GRM1: variants seen among roughly 807,000 people sequenced by gnomAD.
GRM1 encodes metabotropic glutamate receptor 1.
GRM1 carries 33 observed loss-of-function variants against 90.9 expected under a neutral mutation model. The ratio of observed to expected loss-of-function variants is 0.36; its 90% confidence interval spans 0.28 to 0.49. The LOEUF is 0.49. GRM1 is among the 20% of genes least tolerant of loss of function. The pLI is 0.99. For missense variants in GRM1, 1,190 were observed against 1,534.3 expected, an observed-to-expected ratio of 0.78 and a Z score of 3.75; for synonymous variants, 700 against 613.2, an observed-to-expected ratio of 1.14 and a Z score of -2.09.
At chr6:146,229,212 G>C (rs1436215551) in intron 2 of GRM1, among the ~76,000 whole-genome samples, 1 of 151,536 alleles carries the variant, frequency 6.6e-6, no homozygotes, top group African/African-American at 2.4e-5. Context: ...TTGAACTCCC[G>C]ACCTCAGGTG....
intron 1 of GRM1, among the ~76,000 whole-genome samples, chr6:146,141,393 C>G (rs1435582189): frequency 1.3e-5 from 2 of 149,906 alleles, no homozygotes; most frequent in African/African-American, 4.9e-5. Context: ...GCTTGGTATT[C>G]TATAACTTTC....
intron 1 of GRM1, among the ~76,000 whole-genome samples, chr6:146,149,044 C>G (rs1777218774): frequency 6.6e-6 from 1 of 152,126 alleles, no homozygotes; most frequent in Non-Finnish European, 1.5e-5. Context: ...TAGATTTTGC[C>G]TTCTCTTAAC....
chr6:146,052,310 TA>T (rs1284735444), intron 1 of GRM1, among the ~76,000 whole-genome samples: 6 of 152,080 alleles, frequency 3.9e-5, no homozygotes, highest in Non-Finnish European at 7.4e-5. Context: ...CTTAAGTTTT[TA>T]TTTTTTAATT....
intron 2 of GRM1, among the ~76,000 whole-genome samples, chr6:146,262,737 C>T (rs906017916): frequency 4.0e-5 from 6 of 151,546 alleles, no homozygotes; most frequent in Non-Finnish European, 8.9e-5. Flanking sequence ...ACATATGGAA[C>T]CTTGATGTGG....
chr6:146,366,171 A>G (rs886697697), intron 5 of GRM1, among the ~76,000 whole-genome samples: 5 of 152,234 alleles, frequency 3.3e-5, no homozygotes, highest in Admixed American at 3.3e-4. Context: ...GAATGAGTCA[A>G]TGAATGACTG....
intron 7 of GRM1, among the ~76,000 whole-genome samples, chr6:146,416,954 C>T (rs919707029): frequency 6.6e-6 from 1 of 152,128 alleles, no homozygotes; most frequent in African/African-American, 2.4e-5. Flanking sequence ...GGGAAACCAC[C>T]AAGTGTCAGT....
At chr6:146,270,193 T>C (rs777171481) in intron 2 of GRM1, among the ~76,000 whole-genome samples, 1 of 152,156 alleles carries the variant, frequency 6.6e-6, no homozygotes, top group Non-Finnish European at 1.5e-5. Flanking sequence ...AGAGAGAGTG[T>C]ATAAGCAAAC....
At chr6:146,159,211 G>C in intron 1 of GRM1, 137 bp from the exon 2 acceptor site, 1 of 967,314 alleles carries the variant, frequency 1.0e-6, no homozygotes, top group Non-Finnish European at 1.7e-6. Context: ...CAGATCTTCC[G>C]TCAGTCTCAG....
chr6:146,293,682 A>G (rs1209878405), intron 2 of GRM1, among the ~76,000 whole-genome samples: 2 of 151,918 alleles, frequency 1.3e-5, no homozygotes, highest in Admixed American at 6.6e-5. Context: ...TATATAAGAT[A>G]ACAATTATCT....
At chr6:146,132,535 G>T (rs949571787) in intron 1 of GRM1, among the ~76,000 whole-genome samples, 1 of 152,094 alleles carries the variant, frequency 6.6e-6, no homozygotes. Context: ...GTGGGTGTGG[G>T]TGTATTTGGA....
At position 146,376,479 on chromosome 6, in the gene GRM1, A is replaced by G. The variant is rs565919997; in HGVS notation, c.1603-10411A>G. 9.9e-5 allele frequency among the ~76,000 whole-genome samples: 15 copies of G among 152,096 alleles called. No homozygotes were observed. The South Asian group carries it at 2.9e-3, about 30-fold the overall frequency. ...GGGTCTGGTATTGATTAAATCCCTC[A>G]GCTTTTGTCTGGGAGTCTTTATTTC... On this transcript the variant is annotated intron_variant, in intron 5 of 7. Transcript: ENST00000282753.
chr6:146,093,518 A>C (rs1431095113), intron 1 of GRM1, among the ~76,000 whole-genome samples: 1 of 152,070 alleles, frequency 6.6e-6, no homozygotes, highest in Admixed American at 6.6e-5. Context: ...CCTCCTCTCT[A>C]ACATCCTTTG....
intron 2 of GRM1, among the ~76,000 whole-genome samples, chr6:146,162,456 C>T (rs762353108): frequency 7.9e-5 from 12 of 152,170 alleles, no homozygotes; most frequent in Admixed American, 2.0e-4. Flanking sequence ...CAACTTGTCA[C>T]CACTTCCTCT....
intron 1 of GRM1, among the ~76,000 whole-genome samples, chr6:146,147,945 A>G (rs1777172525): frequency 6.6e-6 from 1 of 152,236 alleles, no homozygotes. Context: ...GGGCTCTCAC[A>G]TCAGATTTCA....
chr6:146,267,507 G>C (rs1781936487), intron 2 of GRM1, among the ~76,000 whole-genome samples: 1 of 152,104 alleles, frequency 6.6e-6, no homozygotes, highest in South Asian at 2.1e-4. Flanking sequence ...AAAATAGGCT[G>C]TCTGCAAGCT....
At chr6:146,119,469 C>G (rs1775896416) in intron 1 of GRM1, among the ~76,000 whole-genome samples, 2 of 152,180 alleles carry the variant, frequency 1.3e-5, no homozygotes. Flanking sequence ...TCAATTTTGG[C>G]TTTTGTTGCC....
chr6:146,209,666 G>A lies in GRM1; in HGVS notation c.950+50069G>A, dbSNP rs1185991940. Among the ~76,000 whole-genome samples the A allele has an allele frequency of 4.6e-5, 7 of 152,144 alleles. No individual in the cohort carries two copies. The South Asian group carries it at 1.4e-3, about 32-fold the overall frequency. ...GGAAGGGTATATTTCATTCATGGAA[G>A]GGAGATGTTTGAGACGTTATCATTG... is the stretch of plus-strand genomic sequence containing the variant. On this transcript the variant is annotated intron_variant, in intron 2 of 7. Transcript: ENST00000282753.
chr6:146,148,715 C>T (rs1399098255), intron 1 of GRM1, among the ~76,000 whole-genome samples: 27 of 151,902 alleles, frequency 1.8e-4, no homozygotes, highest in Admixed American at 1.8e-3. Context: ...AATTTTTTAC[C>T]AAAAAGATGA....
intron 1 of GRM1, among the ~76,000 whole-genome samples, chr6:146,112,752 G>A (rs1775607236): frequency 6.6e-6 from 1 of 152,052 alleles, no homozygotes; most frequent in African/African-American, 2.4e-5. Flanking sequence ...ATGCCTCTTG[G>A]GTTTTATGCA....
Sources: allele counts gnomAD v4.1 joint callset (sites outside exome capture counted in the v4.1 genomes callset), GRCh38; gene constraint gnomAD v4.1.1; transcripts MANE v1.5; gene names NCBI Gene and HGNC (gene_info 2026-07-23, HGNC 2026-07-21).